Variants in INHBC observed in about 807,000 individuals in gnomAD.
INHBC encodes the protein inhibin subunit beta C.
In INHBC, 10 loss-of-function variants were observed where a neutral mutation model predicts 12.4. The observed-to-expected ratio is 0.81, with a 90% CI of 0.50 to 1.37. INHBC has a LOEUF of 1.37. Ranked by LOEUF, INHBC falls within the 40% of genes most tolerant of loss-of-function variation. The pLI, the probability that INHBC is intolerant of heterozygous loss-of-function variation, is 0.00. For synonymous variants in INHBC, 147 were observed against 171.6 expected (o/e 0.86, Z 1.12); for missense variants, 382 against 439.4 (o/e 0.87, Z 1.17).
chr12:57,449,591 G>A lies in INHBC; in HGVS notation c.628G>A (p.Val210Ile). 1 of 1,614,244 alleles carries A rather than the reference G, an allele frequency of 6.2e-7. No individual in the cohort carries two copies. Among genetic ancestry groups the A allele is most frequent in the Non-Finnish European group, 8.5e-7 (1 of 1,180,038 alleles). Residue 210 changes from valine to isoleucine, a missense_variant, in exon 2 of 2, where the codon GTC becomes ATC. Physicochemically the swap from Val to Ile is conservative, Grantham distance 29. Transcript: ENST00000309668. ...VLEGQVAQSS[V>I]ILGGAAHRPF... ...TGAAGGCCAGGTAGCCCAGAGCTCA[G>A]TCATCCTGGGTGGAGCTGCCCATAG...
intron 1 of INHBC, among the ~76,000 whole-genome samples, chr12:57,440,514 G>C (rs1441553976): frequency 6.6e-6 from 1 of 151,884 alleles, no homozygotes; most frequent in African/African-American, 2.4e-5. Flanking sequence ...CGTATTTTTA[G>C]TAGAGATGGG....
chr12:57,446,231 C>T (rs569279584), intron 1 of INHBC, among the ~76,000 whole-genome samples: 10 of 151,950 alleles, frequency 6.6e-5, no homozygotes, highest in Non-Finnish European at 7.4e-5. Context: ...CCACCACACC[C>T]GGCCTAAAAA....
intron 1 of INHBC, among the ~76,000 whole-genome samples, chr12:57,441,382 A>G (rs7296961): frequency 0.99 from 132,942 of 134,520 alleles, 65,715 homozygotes; most frequent in South Asian, 1. Flanking sequence ...AAAAAAAGCC[A>G]GGTGTGGTGG....
intron 1 of INHBC, among the ~76,000 whole-genome samples, chr12:57,435,559 T>C (rs1870317437): frequency 6.6e-6 from 1 of 152,126 alleles, no homozygotes; most frequent in Non-Finnish European, 1.5e-5. Flanking sequence ...AGTCTCTCCT[T>C]TCTCTGGCCC....
intron 1 of INHBC, among the ~76,000 whole-genome samples, chr12:57,439,647 GTCTAC>G (rs1247288371): frequency 6.6e-6 from 1 of 152,052 alleles, no homozygotes; most frequent in African/African-American, 2.4e-5. Flanking sequence ...ATAAATTGTA[GTCTAC>G]TCAGTTACAC....
intron 1 of INHBC, among the ~76,000 whole-genome samples, chr12:57,441,391 G>T (rs1870461585): frequency 6.8e-6 from 1 of 146,798 alleles, no homozygotes; most frequent in Non-Finnish European, 1.5e-5. Flanking sequence ...CAGGTGTGGT[G>T]GTACATGCCT....
chr12:57,451,635 C>A lies in INHBC; in HGVS notation c.*1613C>A, dbSNP rs1870714536. Among the ~76,000 whole-genome samples, 1 of 152,152 alleles carries A rather than the reference C, an allele frequency of 6.6e-6. No individual in the cohort carries two copies. The highest frequency in any genetic ancestry group is 2.4e-5 in the African/African-American group (1 of 41,444). On this transcript the variant is annotated 3_prime_UTR_variant, in exon 2 of 2. Coordinates refer to ENST00000309668, the MANE Select transcript of INHBC (RefSeq NM_005538.4). The stretch of plus-strand genomic sequence containing the variant: ...ATGTCTGTGTTTGCTCAGTTTATGA[C>A]CCCCTCCTATGAGGGTAAGAGGTCC...
At chr12:57,437,166 T>C (rs116349464) in intron 1 of INHBC, among the ~76,000 whole-genome samples, 1,597 of 152,190 alleles carry the variant, frequency 0.01, 21 homozygotes, top group African/African-American at 0.037. Context: ...TGGCGGATCA[T>C]TGAGCCCAGG....
At chr12:57,446,241 ATTTT>A (rs915170256) in intron 1 of INHBC, among the ~76,000 whole-genome samples, 1 of 151,408 alleles carries the variant, frequency 6.6e-6, no homozygotes, top group Admixed American at 6.6e-5. Flanking sequence ...CGGCCTAAAA[ATTTT>A]TTTTTAATTA....
In INHBC at chr12:57,449,758, C is replaced by G. The variant is rs1870669252; in HGVS notation, c.795C>G (p.Ile265Met). The G allele has an allele frequency of 6.2e-7, 1 of 1,614,114 alleles. No homozygotes were observed. Among genetic ancestry groups the G allele is most frequent in the African/African-American group, 1.3e-5 (1 of 74,944 alleles). The stretch of plus-strand genomic sequence containing the variant: ...GTGAGATTGGCTGGCACGACTGGAT[C>G]ATCCAGCCTGAGGGCTACGCCATGA... ...DFREIGWHDW[I>M]IQPEGYAMNF... The change falls in exon 2 of 2, where the codon ATC becomes ATG. Residue 265 changes from isoleucine (I) to methionine (M), a missense_variant. Ile to Met is a conservative substitution (Grantham distance 10). Coordinates refer to ENST00000309668, the MANE Select transcript of INHBC (RefSeq NM_005538.4).
intron 1 of INHBC, among the ~76,000 whole-genome samples, chr12:57,440,377 G>T (rs1238185044): frequency 1.5e-5 from 2 of 134,116 alleles, no homozygotes; most frequent in Non-Finnish European, 3.1e-5. Context: ...TATGTCGCCA[G>T]GCTGGAGTGC....
At chr12:57,436,656 A>ATT (rs1350178181) in intron 1 of INHBC, among the ~76,000 whole-genome samples, 1 of 147,480 alleles carries the variant, frequency 6.8e-6, no homozygotes, top group Non-Finnish European at 1.5e-5. Context: ...AATTTTTTTT[A>ATT]TTTTTTATTT....
Position 57,450,009 on chromosome 12 carries a change from G to A in INHBC, c.1046G>A (p.Cys349Tyr), listed in dbSNP as rs368116064. ...ATACCTGACATGGTAGTAGAGGCCT[G>A]TGGGTGCAGTTAGTCTATGTGTGGT... is the stretch of plus-strand genomic sequence containing the variant. Reference protein sequence around the residue: ...TDIPDMVVEACGCS With the variant: ...TDIPDMVVEAYGCS The change falls in exon 2 of 2, where the codon TGT (cysteine) becomes TAT (tyrosine). Residue 349 changes from cysteine to tyrosine, a missense_variant. Physicochemically the swap from Cys to Tyr is radical, Grantham distance 194. Transcript: ENST00000309668. 4.0e-5 allele frequency: 60 copies of A among 1,518,970 alleles called. 1 individual carries two copies. The African/African-American group carries it at 6.4e-4, about 16-fold the overall frequency. The allele number at this position is 1,518,970 out of a possible 1,614,324, so 94.1% of individuals were successfully genotyped here.
chr12:57,446,991 G>A (rs969429830), intron 1 of INHBC, among the ~76,000 whole-genome samples: 7 of 152,186 alleles, frequency 4.6e-5, no homozygotes, highest in Non-Finnish European at 1.0e-4. Flanking sequence ...TGTGGAAGGT[G>A]TTGGTGATCT....
rs564706317 is a variant in INHBC, at chr12:57,444,136, C to T, written c.314-5141C>T. Among the ~76,000 whole-genome samples, 69 of 152,222 alleles carry T rather than the reference C, an allele frequency of 4.5e-4. 1 individual carries two copies. The highest frequency in any genetic ancestry group is 1.6e-3 in the African/African-American group (68 of 41,540). ...TTGAGTGCTTACTAAATACCAAGTA[C>T]TAGGGATACAATGGTGAGCCATACA... On this transcript the variant is annotated intron_variant, in intron 1 of 1. Coordinates refer to ENST00000309668, the MANE Select transcript of INHBC (RefSeq NM_005538.4).
chr12:57,438,984 A>G (rs549126764), intron 1 of INHBC, among the ~76,000 whole-genome samples: 1 of 152,314 alleles, frequency 6.6e-6, no homozygotes, highest in African/African-American at 2.4e-5. Context: ...CTGATTGTGA[A>G]CATCTTCTCC....
intron 1 of INHBC, among the ~76,000 whole-genome samples, chr12:57,443,468 G>A (rs1870511816): frequency 6.6e-6 from 1 of 151,840 alleles, no homozygotes; most frequent in Admixed American, 6.6e-5. Context: ...ATTTTTAGTA[G>A]AGATGGGGTT....
chr12:57,445,106 C>T (rs1322267887), intron 1 of INHBC, among the ~76,000 whole-genome samples: 1 of 152,140 alleles, frequency 6.6e-6, no homozygotes, highest in Non-Finnish European at 1.5e-5. Context: ...GGGAAAGAGA[C>T]TAGCAAGTGT....
At chr12:57,448,664 G>A (rs1210596714) in intron 1 of INHBC, among the ~76,000 whole-genome samples, 2 of 151,684 alleles carry the variant, frequency 1.3e-5, no homozygotes, top group Admixed American at 6.6e-5. Context: ...GTCCAAGACA[G>A]ACCTTGGAAA....
Sources: allele counts gnomAD v4.1 joint callset (sites outside exome capture counted in the v4.1 genomes callset), GRCh38; gene constraint gnomAD v4.1.1; transcripts MANE v1.5; gene names NCBI Gene and HGNC (gene_info 2026-07-23, HGNC 2026-07-21).